ABCB4: variants seen among roughly 807,000 people sequenced by gnomAD.
ABCB4 encodes phosphatidylcholine translocator ABCB4.
A neutral mutation model predicts 145.7 loss-of-function variants in ABCB4; 76 were observed. The observed-to-expected ratio is 0.52, with a 90% CI of 0.43 to 0.63. The LOEUF is 0.63. ABCB4 is among the 30% of genes least tolerant of loss of function. The pLI is 0.00. For synonymous variants in ABCB4, 517 were observed against 566.8 expected (o/e 0.91, Z 1.25); for missense variants, 1,234 against 1,553.1 (o/e 0.79, Z 3.45).
the ABCB4 span, among the ~76,000 whole-genome samples, chr7:87,396,003 A>G: frequency 6.6e-6 from 1 of 152,226 alleles, no homozygotes; most frequent in Non-Finnish European, 1.5e-5. Context: ...AGCCCAAAAC[A>G]ATAAATTTCT....
chr7:87,427,744 A>G (rs1332141904), intron 15 of ABCB4, among the ~76,000 whole-genome samples: 1 of 152,180 alleles, frequency 6.6e-6, no homozygotes, highest in African/African-American at 2.4e-5. Flanking sequence ...ACAATAGCCA[A>G]TCATGATCTC....
At chr7:87,448,228 A>C (rs1811474789) in intron 8 of ABCB4, among the ~76,000 whole-genome samples, 1 of 152,202 alleles carries the variant, frequency 6.6e-6, no homozygotes, top group South Asian at 2.1e-4. Context: ...ATGGGTATGC[A>C]ATGACACTTC....
the ABCB4 span, among the ~76,000 whole-genome samples, chr7:87,372,078 G>A: frequency 1.3e-5 from 2 of 151,130 alleles, no homozygotes; most frequent in Non-Finnish European, 2.9e-5. Context: ...ATTGTTGTTC[G>A]AATTGGCATA....
chr7:87,440,527 A>C, intron 12 of ABCB4, 125 bp from the exon 13 acceptor site: 2 of 750,362 alleles, frequency 2.7e-6, no homozygotes, highest in South Asian at 3.8e-5. Context: ...AATAATTAGA[A>C]ATAAACAGCA....
At chr7:87,413,836 C>A in intron 21 of ABCB4, 119 bp from the exon 22 acceptor site, 1 of 746,480 alleles carries the variant, frequency 1.3e-6, no homozygotes, top group Non-Finnish European at 2.4e-6. Flanking sequence ...CTTTAATTTC[C>A]TTTAAATTAA....
rs753475571 is a variant in ABCB4, at chr7:87,426,929, A to G, written c.1894-9T>C. 2 of 1,604,932 alleles carry G rather than the reference A, an allele frequency of 1.2e-6. No homozygotes were observed. The highest frequency in any genetic ancestry group is 1.7e-6 in the Non-Finnish European group (2 of 1,176,970). On this transcript the variant is annotated splice_polypyrimidine_tract_variant and intron_variant, in intron 15 of 27. Coordinates refer to ENST00000649586, the MANE Select transcript of ABCB4 (RefSeq NM_000443.4). ...ATCTGGCTTCCTGATGTCTGAAAGA[A>G]TATCAAGACATTAAAGTGTGTGTGT...
chr7:87,463,269 A>C lies in ABCB4; in HGVS notation c.136-361T>G, dbSNP rs149947856. Among the ~76,000 whole-genome samples, 48 of 152,146 alleles carry C rather than the reference A, an allele frequency of 3.2e-4. 1 individual carries two copies. The East Asian group carries it at 9.3e-3, about 29-fold the overall frequency. ...TAAACACACACACACACACACACACACACACACCACATCCTTTAAAAAAGC... is the reference window on the plus strand; with the variant it reads ...TAAACACACACACACACACACACACCCACACACCACATCCTTTAAAAAAGC... On this transcript the variant is annotated intron_variant, in intron 3 of 27. Transcript: ENST00000649586.
chr7:87,412,362 C>T (rs185220555), intron 22 of ABCB4, among the ~76,000 whole-genome samples: 32 of 152,188 alleles, frequency 2.1e-4, no homozygotes, highest in Admixed American at 2.0e-3. Context: ...TTCAAAAATA[C>T]CTAAAATGTC....
At chr7:87,438,977 T>A (rs1363410593) in intron 14 of ABCB4, among the ~76,000 whole-genome samples, 3 of 152,278 alleles carry the variant, frequency 2.0e-5, no homozygotes, top group Non-Finnish European at 2.9e-5. Context: ...TCAAATATAT[T>A]TATGATATTT....
chr7:87,449,747 T>G (rs1443141804), intron 8 of ABCB4, among the ~76,000 whole-genome samples: 1 of 152,156 alleles, frequency 6.6e-6, no homozygotes, highest in Non-Finnish European at 1.5e-5. Flanking sequence ...GGGAGTCCAT[T>G]TGTATTATCA....
In ABCB4 at chr7:87,424,063, T is replaced by C; in HGVS notation, c.2065-11A>G. 2 of 1,613,908 alleles carry C rather than the reference T, an allele frequency of 1.2e-6. No individual in the cohort carries two copies. Among genetic ancestry groups the C allele is most frequent in the Non-Finnish European group, 1.7e-6 (2 of 1,179,914 alleles). On this transcript the variant is annotated splice_polypyrimidine_tract_variant and intron_variant, in intron 16 of 27. Transcript: ENST00000649586. ...TGGCACATTTGCTTCCTAGAACATA[T>C]AAACATCAGGGCAAACTGGTGATGA...
intron 21 of ABCB4, among the ~76,000 whole-genome samples, chr7:87,416,734 G>C (rs1295444683): frequency 1.3e-5 from 2 of 152,162 alleles, no homozygotes; most frequent in Non-Finnish European, 2.9e-5. Flanking sequence ...GATAACAATA[G>C]TGCCTGCCTT....
At chr7:87,398,375 C>G, downstream of ABCB4, 13 of 932,610 alleles carry the variant, frequency 1.4e-5, no homozygotes, top group South Asian at 1.6e-4. Context: ...ATGGCTTTAC[C>G]TTCAATTGTG....
At chr7:87,373,592 G>A in the ABCB4 span, among the ~76,000 whole-genome samples, 3 of 152,080 alleles carry the variant, frequency 2.0e-5, no homozygotes, top group South Asian at 4.1e-4. Flanking sequence ...TATACATTTA[G>A]TTGGAAATGT....
intron 16 of ABCB4, among the ~76,000 whole-genome samples, chr7:87,426,291 G>A (rs1168822969): frequency 6.6e-6 from 1 of 152,168 alleles, no homozygotes; most frequent in African/African-American, 2.4e-5. Context: ...TGGAGCTACT[G>A]TTCTAGCCCT....
At chr7:87,431,719 C>G (rs1320921614) in intron 14 of ABCB4, among the ~76,000 whole-genome samples, 154 bp from the exon 15 acceptor site, 3 of 152,162 alleles carry the variant, frequency 2.0e-5, no homozygotes, top group Non-Finnish European at 4.4e-5. Flanking sequence ...AGGCATCACT[C>G]TTTATGAAAA....
chr7:87,415,467 T>TAA (rs1430903384), intron 21 of ABCB4, among the ~76,000 whole-genome samples: 1 of 152,028 alleles, frequency 6.6e-6, no homozygotes, highest in Non-Finnish European at 1.5e-5. Context: ...TTTTAATCTT[T>TAA]CATATTTAAA....
chr7:87,415,477 A>G (rs552242520), intron 21 of ABCB4, among the ~76,000 whole-genome samples: 11 of 152,062 alleles, frequency 7.2e-5, no homozygotes, highest in African/African-American at 2.7e-4. Context: ...TCATATTTAA[A>G]ATCTTTCATA....
At chr7:87,392,581 C>A in the ABCB4 span, 1 of 1,613,078 alleles carries the variant, frequency 6.2e-7, no homozygotes, top group African/African-American at 1.3e-5. Flanking sequence ...TGAGCGGCAG[C>A]AAAAGATGTT....
Sources: gnomAD v4.1 joint callset for allele counts (sites outside exome capture counted in the v4.1 genomes callset) on GRCh38, gnomAD v4.1.1 for gene constraint, MANE v1.5 for transcripts, NCBI Gene and HGNC (gene_info 2026-07-23, HGNC 2026-07-21) for gene names.